Variants in TMEM117 observed in about 807,000 individuals in gnomAD.
TMEM117 encodes the protein transmembrane protein 117.
A neutral mutation model predicts 52.4 loss-of-function variants in TMEM117; 27 were observed. The observed-to-expected ratio is 0.51, with a 90% confidence interval of 0.38 to 0.71. The LOEUF is 0.71. Ranked by LOEUF, TMEM117 falls within the 30% of genes least tolerant of loss-of-function variation. TMEM117 has a pLI of 0.00. For synonymous variants in TMEM117, 215 were observed against 206.3 expected (o/e 1.04, Z -0.36); for missense variants, 556 against 630.5 (o/e 0.88, Z 1.26).
At chr12:44,248,095 G>C (rs1015515436) in intron 5 of TMEM117, among the ~76,000 whole-genome samples, 2 of 152,114 alleles carry the variant, frequency 1.3e-5, no homozygotes, top group Admixed American at 1.3e-4. Flanking sequence ...GTTGGGCGGG[G>C]AGACAGGATC....
At chr12:43,909,039 T>G (rs1454278739) in intron 2 of TMEM117, among the ~76,000 whole-genome samples, 1 of 81,238 alleles carries the variant, frequency 1.2e-5, no homozygotes, top group South Asian at 5.6e-4. Context: ...ATCAACAGAA[T>G]ATACATTTTT....
intron 5 of TMEM117, among the ~76,000 whole-genome samples, chr12:44,292,784 A>G (rs991461657): frequency 1.3e-5 from 2 of 151,958 alleles, no homozygotes; most frequent in East Asian, 1.9e-4. Flanking sequence ...TCTTCCTGTT[A>G]CTGATTTCTG....
chr12:43,804,297 C>G, the TMEM117 span: 8 of 573,362 alleles, frequency 1.4e-5, no homozygotes, highest in African/African-American at 3.8e-5. Flanking sequence ...CTTTCTGTTT[C>G]CCTGATAGTC....
At chr12:44,292,821 A>G (rs2138624881) in intron 5 of TMEM117, among the ~76,000 whole-genome samples, 1 of 152,166 alleles carries the variant, frequency 6.6e-6, no homozygotes, top group South Asian at 2.1e-4. Flanking sequence ...GTCAGAAAAG[A>G]TAAAGTGCTG....
intron 2 of TMEM117, among the ~76,000 whole-genome samples, chr12:43,939,011 A>AT (rs1372458118): frequency 1.3e-5 from 2 of 151,974 alleles, no homozygotes; most frequent in African/African-American, 4.8e-5. Context: ...AAATAAAAAA[A>AT]AAAATAAAAA....
intron 1 of TMEM117, among the ~76,000 whole-genome samples, chr12:43,836,582 A>AT (rs1467029125): frequency 6.6e-6 from 1 of 152,122 alleles, no homozygotes; most frequent in East Asian, 1.9e-4. Context: ...TAGCCTAGGA[A>AT]CTGAGTAAAA....
intron 5 of TMEM117, among the ~76,000 whole-genome samples, chr12:44,224,541 T>TTCC (rs996823867): frequency 1.1e-3 from 170 of 151,800 alleles, no homozygotes; most frequent in African/African-American, 3.6e-3. Context: ...CCTCCTTCTC[T>TTCC]TCCTCCTCCT....
At chr12:44,374,957 C>G (rs954505004) in intron 6 of TMEM117, among the ~76,000 whole-genome samples, 3 of 151,972 alleles carry the variant, frequency 2.0e-5, no homozygotes, top group Non-Finnish European at 4.4e-5. Context: ...TTTTCTTTGT[C>G]AAGCATAATT....
intron 3 of TMEM117, among the ~76,000 whole-genome samples, chr12:43,980,370 T>C (rs1945741031): frequency 6.6e-6 from 1 of 152,082 alleles, no homozygotes; most frequent in South Asian, 2.1e-4. Flanking sequence ...TCTTCCCACT[T>C]GTTCCCAGAG....
chr12:43,944,478 A>G (rs1945097326), intron 3 of TMEM117, 136 bp downstream of exon 3: 1 of 829,388 alleles, frequency 1.2e-6, no homozygotes, highest in Non-Finnish European at 1.8e-6. Context: ...TATTTTATGT[A>G]TTTTTCTTAC....
chr12:43,885,555 C>T (rs1043784838), intron 2 of TMEM117, among the ~76,000 whole-genome samples: 1 of 151,546 alleles, frequency 6.6e-6, no homozygotes, highest in Admixed American at 6.6e-5. Flanking sequence ...TATAATTTAC[C>T]ATTTTGAGAT....
intron 5 of TMEM117, 32 bp from the exon 6 acceptor site, chr12:44,299,548 A>G: frequency 6.2e-7 from 1 of 1,611,480 alleles, no homozygotes; most frequent in Non-Finnish European, 8.5e-7. Context: ...TTTATGCCTT[A>G]TGTTCTTTAA....
At chr12:43,888,240 A>G (rs1565735869) in intron 2 of TMEM117, among the ~76,000 whole-genome samples, 1 of 152,234 alleles carries the variant, frequency 6.6e-6, no homozygotes, top group African/African-American at 2.4e-5. Context: ...CAAAATGCCA[A>G]ACCCTCCACA....
rs1369817498 is a variant in TMEM117, at chr12:44,276,904, G to GTA, written c.609-22675_609-22674insAT. On this transcript the variant is annotated intron_variant, in intron 5 of 7. Transcript: ENST00000266534. ...ACATGAAAAGTTTGTGTGTGTGTGT[G>GTA]TGTATGTGTGTGTGTGTGTGTGTGT... Among the ~76,000 whole-genome samples, 23 of 144,212 alleles carry GTA rather than the reference G, an allele frequency of 1.6e-4. 1 individual carries two copies. The highest frequency in any genetic ancestry group is 8.1e-4 in the Admixed American group (12 of 14,790). 94.6% of individuals were successfully genotyped at this position (144,212 alleles called of 152,430 possible). A position where few individuals can be genotyped will look rare whatever the true frequency, so the allele number is the denominator to read the frequency against.
At chr12:43,885,466 C>T (rs1192608076) in intron 2 of TMEM117, among the ~76,000 whole-genome samples, 1 of 144,016 alleles carries the variant, frequency 6.9e-6, no homozygotes, top group Non-Finnish European at 1.5e-5. Flanking sequence ...TGAGAAAGAA[C>T]TTTTTTTAAA....
At chr12:43,912,507 T>TTTTATATATATATATA (rs1209075111) in intron 2 of TMEM117, among the ~76,000 whole-genome samples, 9 of 132,100 alleles carry the variant, frequency 6.8e-5, no homozygotes, top group African/African-American at 2.4e-4. Flanking sequence ...TAATAATAAT[T>TTTTATATATATATATA]TATATATATA....
chr12:44,081,921 G>C (rs1947487503), intron 3 of TMEM117, among the ~76,000 whole-genome samples: 1 of 151,958 alleles, frequency 6.6e-6, no homozygotes, highest in Admixed American at 6.6e-5. Flanking sequence ...GAGTTTAACT[G>C]TATAAATCTT....
intron 3 of TMEM117, among the ~76,000 whole-genome samples, chr12:43,986,170 TTTAA>T (rs1945843851): frequency 6.6e-6 from 1 of 152,136 alleles, no homozygotes; most frequent in Non-Finnish European, 1.5e-5. Flanking sequence ...ATGAATGTGT[TTTAA>T]TTAATTTTTT....
rs567516656 is a variant in TMEM117 at position 44,096,272 on chromosome 12, T to A, written c.411-47253T>A. Among the ~76,000 whole-genome samples, 974 of 152,134 alleles carry A rather than the reference T, an allele frequency of 6.4e-3. 14 individuals carry two copies. Among genetic ancestry groups the A allele is most frequent in the African/African-American group, 0.022 (931 of 41,522 alleles). On this transcript the variant is annotated intron_variant, in intron 3 of 7. Transcript: ENST00000266534. ...GTGGATAGGAAGAATCAATATCGTGTAAATGGCCATACTGCCCAAGGTAAT... is the reference window on the plus strand; with the variant it reads ...GTGGATAGGAAGAATCAATATCGTGAAAATGGCCATACTGCCCAAGGTAAT...
Sources: gnomAD v4.1 joint callset for allele counts (sites outside exome capture counted in the v4.1 genomes callset) on GRCh38, gnomAD v4.1.1 for gene constraint, MANE v1.5 for transcripts, NCBI Gene and HGNC (gene_info 2026-07-23, HGNC 2026-07-21) for gene names.